TMEM229B: variants seen among roughly 807,000 people sequenced by gnomAD.
TMEM229B encodes transmembrane protein 229B, also known as chromosome 14 open reading frame 83.
TMEM229B carries 6 observed loss-of-function variants against 13.7 expected under a neutral mutation model. The ratio of observed to expected loss-of-function variants is 0.44; its 90% CI spans 0.24 to 0.86. TMEM229B has a LOEUF of 0.86. TMEM229B is among the 40% of genes least tolerant of loss of function. TMEM229B has a pLI of 0.23. For missense variants in TMEM229B, 170 were observed against 236.0 expected (o/e 0.72, Z 1.83); for synonymous variants, 107 against 102.1 (o/e 1.05, Z -0.29).
At chr14:67,487,844 G>T (rs763770983) in intron 1 of TMEM229B, among the ~76,000 whole-genome samples, 42 of 151,870 alleles carry the variant, frequency 2.8e-4, no homozygotes, top group Non-Finnish European at 5.0e-4. Context: ...TGACCAGGCT[G>T]GTCTCAAGCT....
At chr14:67,509,869 T>A (rs1455080738) in intron 1 of TMEM229B, among the ~76,000 whole-genome samples, 1 of 151,862 alleles carries the variant, frequency 6.6e-6, no homozygotes, top group Non-Finnish European at 1.5e-5. Flanking sequence ...ATTTTAAAAG[T>A]AGCTAGGTAT....
chr14:67,473,936 G>C lies in TMEM229B; in HGVS notation c.-13C>G. The C allele has an allele frequency of 6.3e-7, 1 of 1,589,718 alleles. No individual in the cohort carries two copies. Among genetic ancestry groups the C allele is most frequent in the Non-Finnish European group, 8.6e-7 (1 of 1,168,496 alleles). On this transcript the variant is annotated 5_prime_UTR_variant, in exon 3 of 3. Coordinates refer to ENST00000554480, the MANE Select transcript of TMEM229B (RefSeq NM_001348543.2). The surrounding 1 kb of genome is among the most constrained non-coding windows in gnomAD (Gnocchi z 6.5). ...CGGCAGACGCCATGGCGCCGACTGG[G>C]GCTGGCTGCGGGGGGCGCAAGAGAG...
At chr14:67,511,477 A>C (rs147063299) in intron 1 of TMEM229B, among the ~76,000 whole-genome samples, 1 of 152,210 alleles carries the variant, frequency 6.6e-6, no homozygotes, top group African/African-American at 2.4e-5. Context: ...TCTCTTCTAT[A>C]ATACCAGCCA....
intron 2 of TMEM229B, among the ~76,000 whole-genome samples, chr14:67,484,805 C>T (rs1251887104): frequency 1.3e-5 from 2 of 152,132 alleles, no homozygotes; most frequent in East Asian, 1.9e-4. Context: ...GAACTAACAG[C>T]GATTACCATT....
Position 67,524,732 on chromosome 14 carries a change from G to A in TMEM229B, c.-192+8904C>T, listed in dbSNP as rs559966666. Among the ~76,000 whole-genome samples the A allele has an allele frequency of 2.6e-5, 4 of 152,274 alleles. No homozygotes were observed. The South Asian group carries it at 8.3e-4, about 32-fold the overall frequency. On this transcript the variant is annotated intron_variant, in intron 1 of 2. Coordinates refer to the TMEM229B transcript ENST00000554278. ...AACCGCCAAACCACAAGAACATACT[G>A]TATAATAGGAATCCAGTAATGCTGT... is the stretch of plus-strand genomic sequence containing the variant.
At chr14:67,484,583 C>A (rs1266685805) in intron 2 of TMEM229B, among the ~76,000 whole-genome samples, 1 of 152,034 alleles carries the variant, frequency 6.6e-6, no homozygotes, top group South Asian at 2.1e-4. Flanking sequence ...GTGTAGTCAT[C>A]CGGATTCAAT....
chr14:67,473,620 G>T lies in TMEM229B; in HGVS notation c.304C>A (p.Pro102Thr). Residue 102 changes from proline (P) to threonine (T), a missense_variant, in exon 3 of 3, where the codon CCC becomes ACC. Physicochemically the swap from Pro to Thr is conservative, Grantham distance 38. This residue lies in a region of TMEM229B where 57 missense variants were observed against 66.7 expected (regional missense o/e 0.85). Coordinates refer to ENST00000554480, the MANE Select transcript of TMEM229B (RefSeq NM_001348543.2). This position sits in a 1 kb window ranked among gnomAD's most constrained non-coding sequence, Gnocchi z 6.5. ...GFILRQFNAC[P>T]WDYSQFDFDF... is the part of the protein sequence containing the mutation. ...AAGTCGAACTGGGAGTAGTCCCAGG[G>T]GCAGGCGTTGAACTGGCGCAGGATG... 1.9e-6 allele frequency: 3 copies of T among 1,591,846 alleles called. No individual in the cohort carries two copies. The highest frequency in any genetic ancestry group is 2.6e-6 in the Non-Finnish European group (3 of 1,169,206).
intron 2 of TMEM229B, among the ~76,000 whole-genome samples, chr14:67,477,355 C>T (rs1303095891): frequency 6.6e-6 from 1 of 152,146 alleles, no homozygotes; most frequent in African/African-American, 2.4e-5. Context: ...TTAGGCGTGC[C>T]TTTCTCCTCT....
intron 2 of TMEM229B, among the ~76,000 whole-genome samples, chr14:67,481,095 A>T (rs1407722865): frequency 6.6e-6 from 1 of 152,124 alleles, no homozygotes. Context: ...GTTCGAGACC[A>T]GCCTGGGCAA....
intron 1 of TMEM229B, among the ~76,000 whole-genome samples, chr14:67,501,116 GCATGAGCTAACTTGGC>G (rs2032595435): frequency 6.6e-6 from 1 of 151,072 alleles, no homozygotes; most frequent in Non-Finnish European, 1.5e-5. Context: ...CAGCTGCTCT[GCATGAGCTAACTTGGC>G]CTAGGGGCAA....
At chr14:67,519,670 G>A (rs969866496), upstream of TMEM229B, among the ~76,000 whole-genome samples, 1 of 151,618 alleles carries the variant, frequency 6.6e-6, no homozygotes, top group African/African-American at 2.4e-5. Context: ...GGGGAAGCAA[G>A]CAGCATAGGG....
chr14:67,521,899 G>A (rs1411692055), intron 1 of TMEM229B, among the ~76,000 whole-genome samples: 3 of 152,264 alleles, frequency 2.0e-5, no homozygotes, highest in South Asian at 4.2e-4. Context: ...GGATTAAGCC[G>A]GGCACGGTGG....
Position 67,473,810 on chromosome 14 carries a change from G to A in TMEM229B, c.114C>T (p.Asn38=), listed in dbSNP as rs777362155. ...CGCTCGTGACCCCAGGGAACTTCCA[G>A]TTCAAGTTCACCACGAACTCCCAGG... ...TAAWEFVVNL[N]WKFPGVTSVW... Residue 38 remains asparagine (N), a synonymous_variant, in exon 3 of 3, where the codon AAC becomes AAT. Coordinates refer to ENST00000554480, the MANE Select transcript of TMEM229B (RefSeq NM_001348543.2). This position sits in a 1 kb window ranked among gnomAD's most constrained non-coding sequence, Gnocchi z 6.5. 8.7e-6 allele frequency: 14 copies of A among 1,613,864 alleles called. 1 individual carries two copies. The South Asian group carries it at 1.5e-4, about 18-fold the overall frequency.
At chr14:67,499,003 A>AT (rs371338853) in intron 1 of TMEM229B, among the ~76,000 whole-genome samples, 43 of 145,132 alleles carry the variant, frequency 3.0e-4, no homozygotes, top group Middle Eastern at 3.6e-3. Context: ...TTATTTATTT[A>AT]TTAGTTATTT....
intron 1 of TMEM229B, among the ~76,000 whole-genome samples, chr14:67,512,883 C>T (rs2033074527): frequency 6.6e-6 from 1 of 152,162 alleles, no homozygotes; most frequent in African/African-American, 2.4e-5. Flanking sequence ...CTGATAAAAA[C>T]TACACTTTTA....
chr14:67,473,714 G>A lies in TMEM229B; in HGVS notation c.210C>T (p.Arg70=), dbSNP rs772663623. ...TGAGGCAGCGCAGGAGCAGCGGGCA[G>A]CGGCCGCGCAGCCGCAGGTACATGC... is the stretch of plus-strand genomic sequence containing the variant. The part of the protein sequence containing the change: ...VERMYLRLRG[R]CPLLLRCLIY... Residue 70 remains arginine (R), a synonymous_variant, in exon 3 of 3, where the codon CGC becomes CGT. Transcript: ENST00000554480. This position sits in a 1 kb window ranked among gnomAD's most constrained non-coding sequence, Gnocchi z 6.5. 15 of 1,602,102 alleles carry A rather than the reference G, an allele frequency of 9.4e-6. No individual in the cohort carries two copies. Among genetic ancestry groups the A allele is most frequent in the Non-Finnish European group, 1.1e-5 (13 of 1,174,870 alleles).
intron 1 of TMEM229B, among the ~76,000 whole-genome samples, chr14:67,495,260 A>G (rs1352415399): frequency 1.3e-5 from 2 of 151,930 alleles, no homozygotes; most frequent in African/African-American, 4.8e-5. Flanking sequence ...TTCCTCTTCC[A>G]ATTTGGCCCT....
chr14:67,480,844 G>A lies in TMEM229B; in HGVS notation c.-19+6156C>T, dbSNP rs566136202. Among the ~76,000 whole-genome samples the A allele has an allele frequency of 3.0e-4, 46 of 152,256 alleles. 1 individual carries two copies. In the Middle Eastern group the frequency reaches 0.01, roughly 34 times the overall value. On this transcript the variant is annotated intron_variant, in intron 2 of 2. Transcript: ENST00000554480. ...TGATCTCTCTGGGATGGCCCAGACC[G>A]GTTTCCCAGCTGGTAACAGACGGGA...
rs79522218 is a variant in TMEM229B at position 67,526,525 on chromosome 14, A to T, written c.-192+7111T>A. On this transcript the variant is annotated intron_variant, in intron 1 of 2. Transcript: ENST00000554278. The stretch of plus-strand genomic sequence containing the variant: ...TTTCCATCTTTTCCTAGTCTTTTAT[A>T]CATCTCAGTGTTCTAGCCCCCTTCC... 2.9e-3 allele frequency among the ~76,000 whole-genome samples: 443 copies of T among 152,344 alleles called. 2 individuals carry two copies. The highest frequency in any genetic ancestry group is 0.01 in the African/African-American group (429 of 41,586).
Sources: allele counts gnomAD v4.1 joint callset (sites outside exome capture counted in the v4.1 genomes callset), GRCh38; gene constraint gnomAD v4.1.1; regional missense constraint gnomAD v4.1.1; non-coding constraint Gnocchi (gnomAD v3.1); transcripts MANE v1.5; gene names NCBI Gene and HGNC (gene_info 2026-07-23, HGNC 2026-07-21).